The following LRP1B variants were observed in gnomAD, a reference collection of about 807,000 sequenced individuals.
LRP1B encodes the protein LDL receptor related protein 1B.
LRP1B carries 217 observed loss-of-function variants against 556.6 expected under a neutral mutation model. The observed-to-expected ratio is 0.39, with a 90% confidence interval of 0.35 to 0.44. LRP1B has a LOEUF of 0.44. Among genes scored for constraint, LRP1B ranks in the 20% least tolerant of loss-of-function variants. LRP1B has a pLI of 1.00. For synonymous variants in LRP1B, 2,047 were observed against 1,865.8 expected, an observed-to-expected ratio of 1.10 and a Z score of -2.50; for missense variants, 5,053 against 5,620.8, an observed-to-expected ratio of 0.90 and a Z score of 3.23.
chr2:141,469,707 G>A (rs753610592), intron 3 of LRP1B, among the ~76,000 whole-genome samples: 7 of 152,294 alleles, frequency 4.6e-5, no homozygotes, highest in African/African-American at 9.6e-5. Context: ...TATAGAATTT[G>A]TAAGATTTAC....
intron 2 of LRP1B, among the ~76,000 whole-genome samples, chr2:141,513,226 T>G (rs998119433): frequency 6.6e-6 from 1 of 152,132 alleles, no homozygotes; most frequent in African/African-American, 2.4e-5. Flanking sequence ...AAAAGTAGGG[T>G]TATAATAGCT....
chr2:141,463,647 T>A (rs7564247), intron 3 of LRP1B, among the ~76,000 whole-genome samples: 120,239 of 124,498 alleles, frequency 0.97, 58,022 homozygotes, highest in Non-Finnish European at 1. Context: ...TATTATATAT[T>A]ATATATAATT....
intron 3 of LRP1B, among the ~76,000 whole-genome samples, chr2:141,467,947 G>A (rs78296315): frequency 0.04 from 6,088 of 151,510 alleles, 142 homozygotes; most frequent in African/African-American, 0.047. Context: ...ATGGTTCCCC[G>A]TATGTTTGTC....
At chr2:141,141,498 A>G (rs1558888306) in intron 7 of LRP1B, among the ~76,000 whole-genome samples, 1 of 152,154 alleles carries the variant, frequency 6.6e-6, no homozygotes, top group Non-Finnish European at 1.5e-5. Context: ...AATGCTACAA[A>G]TCTTTGGACT....
At chr2:141,314,031 C>T (rs1027128234) in intron 3 of LRP1B, among the ~76,000 whole-genome samples, 7 of 151,760 alleles carry the variant, frequency 4.6e-5, no homozygotes, top group African/African-American at 1.7e-4. Flanking sequence ...TTTGGGCGGG[C>T]ATTAGAAAAA....
intron 83 of LRP1B, among the ~76,000 whole-genome samples, chr2:140,313,382 G>C (rs2105032701): frequency 6.6e-6 from 1 of 151,630 alleles, no homozygotes; most frequent in African/African-American, 2.4e-5. Flanking sequence ...CAAATGATTT[G>C]AACAAAACAT....
chr2:141,322,616 T>C (rs941946510), intron 3 of LRP1B, among the ~76,000 whole-genome samples: 1 of 152,054 alleles, frequency 6.6e-6, no homozygotes, highest in Admixed American at 6.6e-5. Flanking sequence ...ACTTGAGAGA[T>C]GACGTATTTT....
At chr2:140,736,649 T>C (rs748089236) in intron 35 of LRP1B, among the ~76,000 whole-genome samples, 5 of 152,112 alleles carry the variant, frequency 3.3e-5, no homozygotes, top group Non-Finnish European at 7.4e-5. Context: ...ATTTAATAAA[T>C]GGTGCTGGGA....
intron 2 of LRP1B, among the ~76,000 whole-genome samples, chr2:141,764,908 A>G (rs551530557): frequency 6.6e-6 from 1 of 152,246 alleles, no homozygotes; most frequent in South Asian, 2.1e-4. Flanking sequence ...CTGTTTTCCC[A>G]TACTGTTTGT....
intron 1 of LRP1B, 28 bp downstream of exon 1, chr2:142,130,620 G>T (rs780513385): frequency 2.2e-5 from 35 of 1,585,436 alleles, no homozygotes; most frequent in Non-Finnish European, 2.8e-5. Context: ...GAAGTCAGGG[G>T]AGGGGAGCGG....
chr2:141,460,691 A>T (rs1681833972), intron 3 of LRP1B, among the ~76,000 whole-genome samples: 1 of 152,200 alleles, frequency 6.6e-6, no homozygotes, highest in Admixed American at 6.5e-5. Flanking sequence ...GTACAAGATA[A>T]TTGTGGTTTC....
rs1681113247 is a variant in LRP1B, at chr2:140,336,571, C to G, written c.11893-733G>C. Among the ~76,000 whole-genome samples the G allele has an allele frequency of 2.0e-5, 3 of 152,006 alleles. No individual in the cohort carries two copies. In the South Asian group the frequency reaches 6.2e-4, roughly 32 times the overall value. ...GAGAAAAACTCAGATGCTCTGCATC[C>G]TCACCACACATAATTTTGTTCTACA... is the stretch of plus-strand genomic sequence containing the variant. On this transcript the variant is annotated intron_variant, in intron 77 of 90. Coordinates refer to ENST00000389484, the MANE Select transcript of LRP1B (RefSeq NM_018557.3).
At chr2:141,642,107 T>A (rs773461326) in intron 2 of LRP1B, among the ~76,000 whole-genome samples, 36 of 152,298 alleles carry the variant, frequency 2.4e-4, no homozygotes, top group African/African-American at 7.7e-4. Flanking sequence ...AGCTCATTTT[T>A]AAAAATATGC....
chr2:140,768,328 A>C (rs1398821262), intron 35 of LRP1B, among the ~76,000 whole-genome samples: 6 of 151,872 alleles, frequency 4.0e-5, no homozygotes, highest in Admixed American at 3.9e-4. Context: ...CTTTTTTTTA[A>C]TATTATAAAT....
chr2:140,588,921 C>T (rs1228982498), intron 43 of LRP1B, among the ~76,000 whole-genome samples: 34 of 142,172 alleles, frequency 2.4e-4, no homozygotes, highest in Admixed American at 1.7e-3. Context: ...GACTGCACCA[C>T]GCACTCCATC....
At chr2:141,628,273 T>C (rs1688774365) in intron 2 of LRP1B, among the ~76,000 whole-genome samples, 1 of 152,162 alleles carries the variant, frequency 6.6e-6, no homozygotes, top group African/African-American at 2.4e-5. Context: ...CTTGATTTGA[T>C]GGATTAATAG....
chr2:142,038,108 TTTGATC>T (rs1172548080), intron 1 of LRP1B, among the ~76,000 whole-genome samples: 4 of 151,616 alleles, frequency 2.6e-5, no homozygotes, highest in African/African-American at 9.7e-5. Context: ...AAGCAACACT[TTTGATC>T]TTAAGTTTCA....
intron 2 of LRP1B, among the ~76,000 whole-genome samples, chr2:141,609,645 T>C (rs977285666): frequency 1.3e-5 from 2 of 152,216 alleles, no homozygotes; most frequent in African/African-American, 4.8e-5. Flanking sequence ...CAATTGATTG[T>C]CATGAGTGGT....
intron 2 of LRP1B, among the ~76,000 whole-genome samples, chr2:141,575,826 G>A (rs1686721279): frequency 6.6e-6 from 1 of 151,252 alleles, no homozygotes; most frequent in Non-Finnish European, 1.5e-5. Flanking sequence ...AGATATTTAT[G>A]TGGGCAACAT....
Sources: gnomAD v4.1 joint callset for allele counts (sites outside exome capture counted in the v4.1 genomes callset) on GRCh38, gnomAD v4.1.1 for gene constraint, MANE v1.5 for transcripts, NCBI Gene and HGNC (gene_info 2026-07-23, HGNC 2026-07-21) for gene names.